Variants in ETS1 observed in about 807,000 individuals in gnomAD.
ETS1 encodes ETS proto-oncogene 1, transcription factor.
Under a neutral mutation model 58.6 loss-of-function variants are expected in ETS1, and 15 were observed. The ratio of observed to expected loss-of-function variants is 0.26; its 90% CI spans 0.17 to 0.39. The LOEUF (loss-of-function observed/expected upper bound fraction) is 0.39. Among genes scored for constraint, ETS1 ranks in the 10% least tolerant of loss-of-function variants. The probability of loss-of-function intolerance (pLI) is 1.00; values close to 1 mark genes in which losing one functional copy is unlikely to be tolerated. For synonymous variants in ETS1, 214 were observed against 218.2 expected, an observed-to-expected ratio of 0.98 and a Z score of 0.17; for missense variants, 417 against 610.5, an observed-to-expected ratio of 0.68 and a Z score of 3.34.
intron 3 of ETS1, among the ~76,000 whole-genome samples, chr11:128,503,582 A>C (rs925698073): frequency 6.6e-6 from 1 of 152,200 alleles, no homozygotes; most frequent in Non-Finnish European, 1.5e-5. Context: ...GACCACCTAA[A>C]ATAGACCAAA....
At chr11:128,551,113 C>T (rs1864221553) in intron 3 of ETS1, among the ~76,000 whole-genome samples, 7 of 152,170 alleles carry the variant, frequency 4.6e-5, no homozygotes, top group Admixed American at 4.6e-4. Context: ...GAAAAGCACA[C>T]CCTGAATGAG....
rs1861963339 is a variant in ETS1 at position 128,463,782 on chromosome 11, T to C, written c.1124-155A>G. On this transcript the variant is annotated intron_variant, in intron 8 of 9. Coordinates refer to ENST00000392668, the MANE Select transcript of ETS1 (RefSeq NM_001143820.2). This position sits in a 1 kb window ranked among gnomAD's most constrained non-coding sequence, Gnocchi z 4.1. ...ACAGTGCACATGTCGGAGGAAGTGT[T>C]ATGAGCTCGAACAGATAGAAAAGAC... The C allele has an allele frequency of 3.5e-6, 2 of 566,354 alleles. No individual in the cohort carries two copies. The highest frequency in any genetic ancestry group is 4.4e-5 in the South Asian group (2 of 45,136). 35.1% of individuals were successfully genotyped at this position (566,354 alleles called of 1,614,324 possible).
At chr11:128,507,433 G>A (rs1039992500) in intron 3 of ETS1, among the ~76,000 whole-genome samples, 1 of 152,188 alleles carries the variant, frequency 6.6e-6, no homozygotes, top group African/African-American at 2.4e-5. Flanking sequence ...GCCCTGCCTT[G>A]GCAGCCGGCT....
intron 3 of ETS1, among the ~76,000 whole-genome samples, chr11:128,534,002 G>A (rs373291738): frequency 6.6e-5 from 10 of 152,282 alleles, no homozygotes; most frequent in East Asian, 1.9e-4. Flanking sequence ...TTCCAGCTTC[G>A]CTACAGATGG....
intron 3 of ETS1, among the ~76,000 whole-genome samples, chr11:128,532,208 T>C (rs1260025646): frequency 2.0e-5 from 3 of 152,178 alleles, no homozygotes; most frequent in African/African-American, 7.2e-5. Context: ...CCACCTGGAA[T>C]TCAGAAAAAG....
intron 2 of ETS1, among the ~76,000 whole-genome samples, chr11:128,569,315 C>CTTTTTTTTTTTTTTTTT (rs1864572866): frequency 5.7e-5 from 2 of 35,136 alleles, no homozygotes; most frequent in Admixed American, 2.7e-4. Context: ...GACAGAGTTT[C>CTTTTTTTTTTTTTTTTT]TTCTTTTTTT....
Position 128,461,290 on chromosome 11 carries a change from C to CCAAGT in ETS1, c.*1066_*1070dup, listed in dbSNP as rs1861899206. ...AATGCCCATGCATACAGCTTTTATT[C>CCAAGT]CAAGTCATCTATGCTACAGATATAG... On this transcript the variant is annotated 3_prime_UTR_variant, in exon 10 of 10. Coordinates refer to ENST00000392668, the MANE Select transcript of ETS1 (RefSeq NM_001143820.2). 1 of 152,742 alleles carries CCAAGT rather than the reference C, an allele frequency of 6.5e-6. No individual in the cohort carries two copies. Among genetic ancestry groups the CCAAGT allele is most frequent in the East Asian group, 1.9e-4 (1 of 5,338 alleles). The allele number at this position is 152,742 out of a possible 1,614,324, so 9.5% of individuals were successfully genotyped here.
chr11:128,551,385 A>G lies in ETS1; in HGVS notation c.214+4906T>C, dbSNP rs189411166. Among the ~76,000 whole-genome samples the G allele has an allele frequency of 8.2e-3, 1,245 of 152,360 alleles. 10 individuals carry two copies. The highest frequency in any genetic ancestry group is 0.011 in the Non-Finnish European group (751 of 68,042). ...TCCCAGCCGCTAGGCCATATGAGAAAGCCCCAGGAGGGACTATGAACTCGG... is the reference window on the plus strand; with the variant it reads ...TCCCAGCCGCTAGGCCATATGAGAAGGCCCCAGGAGGGACTATGAACTCGG... On this transcript the variant is annotated intron_variant, in intron 3 of 9. Transcript: ENST00000392668.
chr11:128,564,578 A>G (rs1227731197), intron 2 of ETS1, among the ~76,000 whole-genome samples: 2 of 152,016 alleles, frequency 1.3e-5, no homozygotes, highest in Non-Finnish European at 2.9e-5. Flanking sequence ...CACAGCCAAC[A>G]CTCGCTGAAA....
chr11:128,562,941 C>T (rs1864427435), intron 2 of ETS1, among the ~76,000 whole-genome samples: 1 of 150,176 alleles, frequency 6.7e-6, no homozygotes, highest in Admixed American at 6.6e-5. Context: ...TCCCTGTCTC[C>T]ATGCCCCAAA....
intron 7 of ETS1, 87 bp downstream of exon 7, chr11:128,484,736 G>GA (rs931839918): frequency 0.014 from 15,650 of 1,121,610 alleles, 1 homozygote; most frequent in Non-Finnish European, 0.015. Flanking sequence ...TAATAAATAA[G>GA]AAAAAAAAAA....
intron 3 of ETS1, among the ~76,000 whole-genome samples, chr11:128,490,779 C>T (rs547009553): frequency 6.9e-4 from 96 of 139,804 alleles, no homozygotes; most frequent in African/African-American, 2.4e-3. Flanking sequence ...AGTGCAGTGG[C>T]GTGATCTCAG....
chr11:128,571,976 ACAGGTTG>A (rs1864644783), intron 2 of ETS1: 1 of 152,242 alleles, frequency 6.6e-6, no homozygotes, highest in East Asian at 1.9e-4. Context: ...CACGGGAGGC[ACAGGTTG>A]CAGTGAGCAG....
chr11:128,537,587 C>T (rs1299862600), intron 3 of ETS1, among the ~76,000 whole-genome samples: 4 of 152,200 alleles, frequency 2.6e-5, no homozygotes, highest in African/African-American at 9.7e-5. Context: ...AAATAAACTC[C>T]TGCACCCAAA....
chr11:128,544,861 C>T (rs959316758), intron 3 of ETS1, among the ~76,000 whole-genome samples: 3 of 152,194 alleles, frequency 2.0e-5, no homozygotes, highest in African/African-American at 7.2e-5. Context: ...GCAGCTTCCC[C>T]ACAATTAGTC....
chr11:128,554,396 C>T (rs941516250), intron 3 of ETS1, among the ~76,000 whole-genome samples: 1 of 152,120 alleles, frequency 6.6e-6, no homozygotes, highest in Non-Finnish European at 1.5e-5. Flanking sequence ...GTGACCCCAG[C>T]TTCCTTCTTG....
At chr11:128,574,936 G>A (rs1243189272) in intron 1 of ETS1, among the ~76,000 whole-genome samples, 2 of 152,274 alleles carry the variant, frequency 1.3e-5, no homozygotes, top group African/African-American at 4.8e-5. Context: ...GGGTCCTGCA[G>A]GGCAACTAAT....
chr11:128,480,401 A>C lies in ETS1; in HGVS notation c.913T>G (p.Cys305Gly), dbSNP rs775143735. The change falls in exon 8 of 10, where the codon TGT (cysteine) becomes GGT (glycine). Residue 305 changes from cysteine (C) to glycine (G), a missense_variant. By Grantham distance (159) the Cys-to-Gly change is radical. Around this residue, in one of 4 missense-constraint regions of ETS1, gnomAD observed 139 missense variants for 152.1 expected, o/e 0.91. Transcript: ENST00000392668. ...SFESIESYDS[C>G]DRLTQSWSSQ... ...CTCCAGGACTGGGTGAGGCGATCACAACTATCGTAGCTCTCTATGCTTTCA... is the reference window on the plus strand; with the variant it reads ...CTCCAGGACTGGGTGAGGCGATCACCACTATCGTAGCTCTCTATGCTTTCA... 1.2e-6 allele frequency: 2 copies of C among 1,614,046 alleles called. No homozygotes were observed. The highest frequency in any genetic ancestry group is 8.5e-7 in the Non-Finnish European group (1 of 1,180,002).
intron 3 of ETS1, among the ~76,000 whole-genome samples, chr11:128,496,490 C>G (rs1057081546): frequency 6.6e-6 from 1 of 152,266 alleles, no homozygotes; most frequent in East Asian, 1.9e-4. Context: ...CTGCCGACAA[C>G]AAGTCCCAGT....
Sources: gnomAD v4.1 joint callset for allele counts (sites outside exome capture counted in the v4.1 genomes callset) on GRCh38, gnomAD v4.1.1 for gene constraint, gnomAD v4.1.1 regional missense constraint, Gnocchi (gnomAD v3.1) non-coding constraint, MANE v1.5 for transcripts, NCBI Gene and HGNC (gene_info 2026-07-23, HGNC 2026-07-21) for gene names.